The following PHF24 variants were observed in gnomAD, a reference collection of about 807,000 sequenced individuals.
PHF24 encodes PHD finger protein 24.
PHF24 carries 25 observed loss-of-function variants against 42.6 expected under a neutral mutation model. That is an observed-to-expected ratio of 0.59 (90% CI 0.43 to 0.82). The LOEUF (loss-of-function observed/expected upper bound fraction) is 0.82. Among genes scored for constraint, PHF24 ranks in the 40% least tolerant of loss-of-function variants. The probability of loss-of-function intolerance (pLI) is 0.00; values close to 1 mark genes in which losing one functional copy is unlikely to be tolerated. For synonymous variants in PHF24, 185 were observed against 204.8 expected (o/e 0.90, Z 0.83); for missense variants, 470 against 538.1 (o/e 0.87, Z 1.25).
At chr9:34,822,954 T>C in the PHF24 span, among the ~76,000 whole-genome samples, 1 of 150,126 alleles carries the variant, frequency 6.7e-6, no homozygotes, top group Non-Finnish European at 1.5e-5. Context: ...CCCAGCACTT[T>C]GGGAGGCCGA....
At chr9:34,720,361 C>T in the PHF24 span, among the ~76,000 whole-genome samples, 2 of 150,184 alleles carry the variant, frequency 1.3e-5, no homozygotes, top group Admixed American at 6.7e-5. Flanking sequence ...AGGAGAATGG[C>T]GTGAACCCGG....
the PHF24 span, among the ~76,000 whole-genome samples, chr9:34,749,604 C>T: frequency 3.5e-5 from 5 of 143,752 alleles, no homozygotes; most frequent in African/African-American, 2.6e-5. Context: ...GTTATTCATT[C>T]TTTTTTTTTT....
chr9:34,963,699 C>A (rs558433877), intron 1 of PHF24, among the ~76,000 whole-genome samples: 2 of 152,094 alleles, frequency 1.3e-5, no homozygotes, highest in African/African-American at 2.4e-5. Context: ...TTGTAGAAAC[C>A]GGCTAAATTG....
the PHF24 span, among the ~76,000 whole-genome samples, chr9:34,795,958 T>G: frequency 6.6e-6 from 1 of 151,064 alleles, no homozygotes; most frequent in African/African-American, 2.4e-5. Flanking sequence ...TCCATAATCA[T>G]GTCACTGCAT....
At chr9:34,682,044 G>A in the PHF24 span, among the ~76,000 whole-genome samples, 6 of 13,736 alleles carry the variant, frequency 4.4e-4, no homozygotes, top group African/African-American at 1.2e-3. Context: ...TCATGGTCAC[G>A]GCTCACTGCA....
chr9:34,958,065 C>T (rs1313837579), upstream of PHF24, among the ~76,000 whole-genome samples: 2 of 149,944 alleles, frequency 1.3e-5, no homozygotes, highest in East Asian at 3.9e-4. This position sits in a 1 kb window ranked among gnomAD's most constrained non-coding sequence, Gnocchi z 4.5. Context: ...CGCCCGCGCG[C>T]CCGTCGCCGG....
chr9:34,931,453 AAGACTGCATATT>A, the PHF24 span, among the ~76,000 whole-genome samples: 1 of 151,724 alleles, frequency 6.6e-6, no homozygotes, highest in Non-Finnish European at 1.5e-5. Flanking sequence ...TGAGGGATAA[AAGACTGCATATT>A]AGGTACAGTA....
chr9:34,795,603 C>A, the PHF24 span, among the ~76,000 whole-genome samples: 1 of 152,046 alleles, frequency 6.6e-6, no homozygotes, highest in Admixed American at 6.6e-5. Context: ...CTATTAAAAG[C>A]AAAACCTATG....
chr9:34,683,948 T>C, the PHF24 span, among the ~76,000 whole-genome samples: 2 of 152,230 alleles, frequency 1.3e-5, no homozygotes, highest in East Asian at 3.8e-4. Flanking sequence ...GGTGCCACCA[T>C]GCTGTCTTGG....
the PHF24 span, among the ~76,000 whole-genome samples, chr9:34,684,313 G>A: frequency 1.8e-3 from 275 of 152,320 alleles, 1 homozygote; most frequent in African/African-American, 6.0e-3. Flanking sequence ...TTTTCCCAGG[G>A]CTGGAAACCT....
chr9:34,967,760 A>C (rs1203636859), intron 1 of PHF24, among the ~76,000 whole-genome samples: 1 of 152,162 alleles, frequency 6.6e-6, no homozygotes, highest in Non-Finnish European at 1.5e-5. Flanking sequence ...CTCAGCAAAA[A>C]ATTTAACATA....
the PHF24 span, among the ~76,000 whole-genome samples, chr9:34,750,112 C>T: frequency 6.6e-6 from 1 of 151,976 alleles, no homozygotes; most frequent in Non-Finnish European, 1.5e-5. Context: ...CATTAATGAG[C>T]AGCAAAAAAT....
the PHF24 span, among the ~76,000 whole-genome samples, chr9:34,881,666 A>G: frequency 6.6e-6 from 1 of 152,238 alleles, no homozygotes; most frequent in Non-Finnish European, 1.5e-5. Flanking sequence ...ACCAGGAAGA[A>G]GTTGAATCTC....
chr9:34,694,159 C>CTTTTTTTT, the PHF24 span, among the ~76,000 whole-genome samples: 63 of 66,176 alleles, frequency 9.5e-4, 2 homozygotes, highest in East Asian at 1.4e-3. Context: ...TATCTCTATT[C>CTTTTTTTT]TTTTTTTTTT....
chr9:34,894,293 G>A, the PHF24 span: 1 of 394,504 alleles, frequency 2.5e-6, no homozygotes, highest in Non-Finnish European at 4.5e-6. Context: ...CCCCTGCCCT[G>A]GTAACTCTCT....
the PHF24 span, among the ~76,000 whole-genome samples, chr9:34,927,312 T>C: frequency 6.6e-6 from 1 of 152,122 alleles, no homozygotes; most frequent in Non-Finnish European, 1.5e-5. Flanking sequence ...CTTGGCATAA[T>C]GAGGATGGAG....
the PHF24 span, among the ~76,000 whole-genome samples, chr9:34,920,142 A>G: frequency 1.3e-5 from 2 of 152,224 alleles, no homozygotes; most frequent in Admixed American, 6.5e-5. Context: ...ACAGTTCTCC[A>G]TAGTGGCTGT....
the PHF24 span, among the ~76,000 whole-genome samples, chr9:34,909,009 C>T: frequency 5.3e-5 from 8 of 151,684 alleles, no homozygotes; most frequent in South Asian, 2.1e-4. Context: ...CCACCATGCC[C>T]GGCTAATTTT....
the PHF24 span, among the ~76,000 whole-genome samples, chr9:34,799,418 T>A: frequency 2.6e-5 from 4 of 152,354 alleles, no homozygotes; most frequent in Admixed American, 6.5e-5. Context: ...ATATAAATAC[T>A]TAATGATAGC....
Sources: gnomAD v4.1 joint callset for allele counts (sites outside exome capture counted in the v4.1 genomes callset) on GRCh38, gnomAD v4.1.1 for gene constraint, Gnocchi (gnomAD v3.1) non-coding constraint, MANE v1.5 for transcripts, NCBI Gene and HGNC (gene_info 2026-07-23, HGNC 2026-07-21) for gene names.